DNAH7: variants seen among roughly 807,000 people sequenced by gnomAD.
The protein encoded by DNAH7 is dynein axonemal heavy chain 7, also known as axonemal beta dynein heavy chain 7.
In DNAH7, 397 loss-of-function variants were observed where a neutral mutation model predicts 444.6. The observed-to-expected ratio is 0.89, with a 90% CI of 0.82 to 0.97. The LOEUF is 0.97. Ranked by LOEUF, DNAH7 falls within the 50% of genes least tolerant of loss-of-function variation. The probability of loss-of-function intolerance (pLI) is 0.00; values close to 1 mark genes in which losing one functional copy is unlikely to be tolerated. For synonymous variants in DNAH7, 1,636 were observed against 1,624.4 expected, an observed-to-expected ratio of 1.01 and a Z score of -0.17; for missense variants, 4,902 against 4,800.8, an observed-to-expected ratio of 1.02 and a Z score of -0.62.
Position 195,938,303 on chromosome 2 carries a change from G to C in DNAH7, c.3079-1511C>G. Among the ~76,000 whole-genome samples, 3 of 147,336 alleles carry C rather than the reference G, an allele frequency of 2.0e-5. No individual in the cohort carries two copies. The South Asian group carries it at 6.6e-4, about 32-fold the overall frequency. On this transcript the variant is annotated intron_variant, in intron 19 of 64. Coordinates refer to ENST00000312428, the MANE Select transcript of DNAH7 (RefSeq NM_018897.3). ...TTTAAAGGTGCATAATTTTTAAAAG[G>C]AATTTTATTATGCTTCTTGTTTTAT...
At chr2:195,815,669 T>C (rs545837291) in intron 51 of DNAH7, among the ~76,000 whole-genome samples, 55 of 152,332 alleles carry the variant, frequency 3.6e-4, no homozygotes, top group Non-Finnish European at 6.9e-4. Context: ...TATTAATTAC[T>C]TTCTTTTTTC....
chr2:196,016,549 A>G (rs1482899700), intron 9 of DNAH7, among the ~76,000 whole-genome samples: 1 of 152,214 alleles, frequency 6.6e-6, no homozygotes, highest in African/African-American at 2.4e-5. Flanking sequence ...TGAAAGCTAA[A>G]GCCAGTTTTA....
chr2:195,834,664 C>T (rs1698245082), intron 47 of DNAH7, among the ~76,000 whole-genome samples: 1 of 152,194 alleles, frequency 6.6e-6, no homozygotes, highest in South Asian at 2.1e-4. Context: ...AATTATGTCA[C>T]AGTGACAACC....
chr2:195,997,805 T>C (rs1376170383), intron 12 of DNAH7, among the ~76,000 whole-genome samples: 1 of 152,218 alleles, frequency 6.6e-6, no homozygotes, highest in African/African-American at 2.4e-5. Flanking sequence ...ATCCTATTCA[T>C]GATACCCTAC....
intron 21 of DNAH7, among the ~76,000 whole-genome samples, chr2:195,934,214 T>C (rs952165024): frequency 1.3e-5 from 2 of 152,212 alleles, no homozygotes; most frequent in African/African-American, 2.4e-5. Context: ...GAAAAAAAGA[T>C]TCATACATGT....
chr2:195,998,982 C>T, intron 12 of DNAH7: 2 of 631,794 alleles, frequency 3.2e-6, no homozygotes, highest in Non-Finnish European at 5.8e-6. Context: ...CCTGGGGACC[C>T]TGCTGATCCT....
At chr2:195,786,906 T>C in intron 58 of DNAH7, 104 bp downstream of exon 58, 1 of 1,234,824 alleles carries the variant, frequency 8.1e-7, no homozygotes, top group African/African-American at 1.5e-5. Flanking sequence ...TCCTATTCAT[T>C]TCATAAGAGT....
At chr2:195,818,828 T>C (rs1697339129) in intron 49 of DNAH7, among the ~76,000 whole-genome samples, 1 of 152,156 alleles carries the variant, frequency 6.6e-6, no homozygotes, top group African/African-American at 2.4e-5. Flanking sequence ...TTTTTTCATG[T>C]ATACTGCAGT....
rs904853369 is a variant in DNAH7 at position 195,999,015 on chromosome 2, A to C, written c.1353+1689T>G. ...CCTTGGTGGTCTAAGCTTTGCTTTA[A>C]TGAGTTTCCGGCAAGGTGGATGCAT... On this transcript the variant is annotated intron_variant, in intron 12 of 64. Transcript: ENST00000312428. The C allele has an allele frequency of 5.9e-6, 4 of 683,164 alleles. No homozygotes were observed. In the Admixed American group the frequency reaches 8.9e-5, roughly 15 times the overall value. 42.3% of individuals were successfully genotyped at this position (683,164 alleles called of 1,614,324 possible).
At chr2:195,932,098 T>C (rs1688739067) in intron 21 of DNAH7, among the ~76,000 whole-genome samples, 1 of 152,214 alleles carries the variant, frequency 6.6e-6, no homozygotes, top group Non-Finnish European at 1.5e-5. Context: ...TTTTATTTCA[T>C]TGAGCAGTGG....
chr2:195,847,198 C>G (rs997877805), intron 46 of DNAH7, among the ~76,000 whole-genome samples: 9 of 148,356 alleles, frequency 6.1e-5, no homozygotes, highest in Non-Finnish European at 1.3e-4. Flanking sequence ...CTAGTTTTGT[C>G]CCTCTAGAGA....
chr2:195,747,314 C>G (rs1375405451), intron 63 of DNAH7, among the ~76,000 whole-genome samples: 2 of 151,506 alleles, frequency 1.3e-5, no homozygotes, highest in Non-Finnish European at 3.0e-5. Flanking sequence ...AGTTGAATCT[C>G]TGAATAGGCT....
At chr2:195,774,031 A>C (rs1425855376) in intron 60 of DNAH7, among the ~76,000 whole-genome samples, 1 of 152,230 alleles carries the variant, frequency 6.6e-6, no homozygotes, top group Non-Finnish European at 1.5e-5. Context: ...CCATAACTAT[A>C]ATTGTATTCG....
chr2:195,807,694 C>A (rs879892252), intron 53 of DNAH7, among the ~76,000 whole-genome samples: 1 of 151,888 alleles, frequency 6.6e-6, no homozygotes, highest in Admixed American at 6.6e-5. Context: ...AAGGGGTAAA[C>A]CTTGGTGGGG....
chr2:195,941,220 G>A (rs144855801), intron 19 of DNAH7, among the ~76,000 whole-genome samples: 9 of 152,000 alleles, frequency 5.9e-5, no homozygotes, highest in East Asian at 1.9e-4. Flanking sequence ...TGTCCTTTGC[G>A]GGGACATAGA....
intron 10 of DNAH7, among the ~76,000 whole-genome samples, chr2:196,009,718 G>C (rs1192339129): frequency 6.6e-6 from 1 of 152,152 alleles, no homozygotes; most frequent in East Asian, 1.9e-4. Flanking sequence ...ACAAAGTAGA[G>C]AGACAACCTA....
chr2:195,758,377 T>A (rs1273479227), intron 61 of DNAH7, among the ~76,000 whole-genome samples: 1 of 152,250 alleles, frequency 6.6e-6, no homozygotes, highest in Non-Finnish European at 1.5e-5. Flanking sequence ...TTTCTTCTTG[T>A]ATCTGTTTGG....
intron 8 of DNAH7, among the ~76,000 whole-genome samples, chr2:196,019,555 G>A (rs1036645827): frequency 4.6e-5 from 7 of 151,982 alleles, no homozygotes; most frequent in African/African-American, 1.7e-4. Context: ...CCAAATACTT[G>A]ATCTTATTGA....
At chr2:195,872,058 A>G (rs1256691694) in intron 40 of DNAH7, among the ~76,000 whole-genome samples, 192 bp downstream of exon 40, 1 of 151,936 alleles carries the variant, frequency 6.6e-6, no homozygotes, top group East Asian at 1.9e-4. Flanking sequence ...ATGGGAGATA[A>G]AGCATTTTAA....
Sources: allele counts gnomAD v4.1 joint callset (sites outside exome capture counted in the v4.1 genomes callset), GRCh38; gene constraint gnomAD v4.1.1; transcripts MANE v1.5; gene names NCBI Gene and HGNC (gene_info 2026-07-23, HGNC 2026-07-21).